The following TTC31 variants were observed in gnomAD, a reference collection of about 807,000 sequenced individuals.
The protein encoded by TTC31 is tetratricopeptide repeat protein 31.
TTC31 carries 59 observed loss-of-function variants against 60.4 expected under a neutral mutation model. The observed-to-expected ratio is 0.98, with a 90% CI of 0.79 to 1.21. The LOEUF (loss-of-function observed/expected upper bound fraction) is 1.21, where lower values mean the gene tolerates loss of function less well. TTC31 is among the 50% of genes most tolerant of loss of function. The probability of loss-of-function intolerance (pLI) is 0.00; values close to 1 mark genes in which losing one functional copy is unlikely to be tolerated. For synonymous variants in TTC31, 225 were observed against 249.6 expected (o/e 0.90, Z 0.93); for missense variants, 672 against 646.9 (o/e 1.04, Z -0.42).
At chr2:74,488,033 G>T (rs1303471990) in intron 2 of TTC31, among the ~76,000 whole-genome samples, 1 of 152,108 alleles carries the variant, frequency 6.6e-6, no homozygotes, top group Non-Finnish European at 1.5e-5. Flanking sequence ...TCAGTGCAGT[G>T]GCATGATCAT....
At position 74,493,236 on chromosome 2, in the gene TTC31, A is replaced by C; in HGVS notation, c.*18A>C. On this transcript the variant is annotated 3_prime_UTR_variant, in exon 13 of 13. Coordinates refer to ENST00000233623, the MANE Select transcript of TTC31 (RefSeq NM_022492.6). ...CCAGATGAGGGGGCACCGGTCCCTCATAGGGCAGGGCCATGTATATATCCC... is the reference window on the plus strand; with the variant it reads ...CCAGATGAGGGGGCACCGGTCCCTCCTAGGGCAGGGCCATGTATATATCCC... The C allele has an allele frequency of 6.2e-7, 1 of 1,613,256 alleles. No homozygotes were observed. The highest frequency in any genetic ancestry group is 8.5e-7 in the Non-Finnish European group (1 of 1,179,536).
chr2:74,490,269 T>C lies in TTC31; in HGVS notation c.258T>C (p.Asp86=), dbSNP rs778386633. Residue 86 remains aspartate, a synonymous_variant, in exon 4 of 13, where the codon GAT becomes GAC. Coordinates refer to ENST00000233623, the MANE Select transcript of TTC31 (RefSeq NM_022492.6). ...HHDYLLGHLD[D]EGKSTGQSDR... The stretch of plus-strand genomic sequence containing the variant: ...ATTACCTCCTGGGCCACTTGGATGA[T>C]GAAGGGAAATCAACTGGACAGAGTG... 2.5e-6 allele frequency: 4 copies of C among 1,613,996 alleles called. No individual in the cohort carries two copies. Among genetic ancestry groups the C allele is most frequent in the South Asian group, 1.1e-5 (1 of 91,080 alleles).
Position 74,490,257 on chromosome 2 carries a change from C to T in TTC31, c.246C>T (p.Gly82=). The part of the protein sequence containing the change: ...LQLWHHDYLL[G]HLDDEGKSTG... ...CCCTCCTGACAGATTACCTCCTGGG[C>T]CACTTGGATGATGAAGGGAAATCAA... Residue 82 remains glycine, a synonymous_variant, in exon 4 of 13, where the codon GGC becomes GGT. Coordinates refer to ENST00000233623, the MANE Select transcript of TTC31 (RefSeq NM_022492.6). 1 of 1,613,940 alleles carries T rather than the reference C, an allele frequency of 6.2e-7. No homozygotes were observed. The highest frequency in any genetic ancestry group is 8.5e-7 in the Non-Finnish European group (1 of 1,179,914).
chr2:74,490,031 G>A lies in TTC31; in HGVS notation c.136G>A (p.Val46Met), dbSNP rs1425484173. 1 of 1,534,448 alleles carries A rather than the reference G, an allele frequency of 6.5e-7. No homozygotes were observed. The highest frequency in any genetic ancestry group is 1.7e-4 in the Middle Eastern group (1 of 5,738). The change falls in exon 3 of 13, where the codon GTG becomes ATG. Residue 46 changes from valine to methionine, a missense_variant. Transcript: ENST00000233623. ...CCCTCCCCTCCCCTCCCAGGACATA[G>A]TGGATTTTCTTCGACGGCTTGTGGA... Reference protein sequence around the residue: ...GPEDYGEEDIVDFLRRLVESD... With the variant: ...GPEDYGEEDIMDFLRRLVESD...
chr2:74,493,133 G>A lies in TTC31; in HGVS notation c.1475G>A (p.Arg492Lys), dbSNP rs1674136428. The A allele has an allele frequency of 1.2e-6, 2 of 1,613,992 alleles. No individual in the cohort carries two copies. Among genetic ancestry groups the A allele is most frequent in the South Asian group, 2.2e-5 (2 of 91,074 alleles). The stretch of plus-strand genomic sequence containing the variant: ...CCCCTCTCCCAGACTCAGAGTAGAA[G>A]GCCCCATCCTCTCAAGCCCCAGGAC... The part of the protein sequence containing the change: ...NQPLSQTQSR[R>K]PHPLKPQDPS... The change falls in exon 13 of 13, where the codon AGG becomes AAG. Residue 492 changes from arginine (R) to lysine (K), a missense_variant. Arg to Lys is a conservative substitution (Grantham distance 26, BLOSUM62 2). Coordinates refer to ENST00000233623, the MANE Select transcript of TTC31 (RefSeq NM_022492.6).
At position 74,491,189 on chromosome 2, in the gene TTC31, G is replaced by A. The variant is rs777102956; in HGVS notation, c.603+5G>A. ...CAGTACTGTGGGGAGCCCAAGGTGA[G>A]TATCTAGGGCAGGTACTAAGAGCAC... is the stretch of plus-strand genomic sequence containing the variant. On this transcript the variant is annotated splice_donor_5th_base_variant and intron_variant, in intron 6 of 12. Coordinates refer to ENST00000233623, the MANE Select transcript of TTC31 (RefSeq NM_022492.6). 6.2e-6 allele frequency: 10 copies of A among 1,614,104 alleles called. No individual in the cohort carries two copies. The East Asian group carries it at 1.8e-4, about 29-fold the overall frequency.
In TTC31 at chr2:74,492,374, G is replaced by A. The variant is rs1436505110; in HGVS notation, c.1090G>A (p.Val364Met). ...AGCGTGGGCCCTGGCTGATGCCCAG[G>A]TGGCCCTTACCCTACGGCCTGGCTG... is the stretch of plus-strand genomic sequence containing the variant. ...QPAWALADAQ[V>M]ALTLRPGWPR... The change falls in exon 11 of 13, where the codon GTG becomes ATG. Residue 364 changes from valine (V) to methionine (M), a missense_variant. Coordinates refer to ENST00000233623, the MANE Select transcript of TTC31 (RefSeq NM_022492.6). 4.5e-6 allele frequency: 7 copies of A among 1,547,110 alleles called. No homozygotes were observed. Among genetic ancestry groups the A allele is most frequent in the Non-Finnish European group, 6.1e-6 (7 of 1,145,970 alleles).
intron 2 of TTC31, among the ~76,000 whole-genome samples, chr2:74,484,424 G>T (rs144166916): frequency 6.6e-6 from 1 of 151,836 alleles, no homozygotes; most frequent in Non-Finnish European, 1.5e-5. Flanking sequence ...TAGCACAGGG[G>T]TTTGGATGTT....
intron 2 of TTC31, among the ~76,000 whole-genome samples, chr2:74,484,612 C>T (rs1672868883): frequency 6.6e-6 from 1 of 152,064 alleles, no homozygotes; most frequent in African/African-American, 2.4e-5. Context: ...GCACATGCCA[C>T]CAGTCCCAGC....
intron 2 of TTC31, among the ~76,000 whole-genome samples, chr2:74,488,433 T>C (rs1291033690): frequency 2.0e-5 from 3 of 152,218 alleles, no homozygotes; most frequent in African/African-American, 2.4e-5. Context: ...AGTCCTGCTC[T>C]GTTTAGGCCT....
intron 2 of TTC31, 77 bp from the exon 3 acceptor site, chr2:74,489,946 GAT>G: frequency 9.6e-7 from 1 of 1,038,602 alleles, no homozygotes. Flanking sequence ...ATGGTGGAGA[GAT>G]CAAGCCAGCG....
rs1429030180 is a variant in TTC31, at chr2:74,492,246, C to T, written c.1019+17C>T. ...GGACCACCGGTAGGTGGGGGCTTGG[C>T]CAGGGCAGGGCAGAGTGTTGAGGAC... On this transcript the variant is annotated intron_variant, in intron 10 of 12. Coordinates refer to ENST00000233623, the MANE Select transcript of TTC31 (RefSeq NM_022492.6). The T allele has an allele frequency of 1.9e-6, 3 of 1,614,082 alleles. No individual in the cohort carries two copies. Among genetic ancestry groups the T allele is most frequent in the Admixed American group, 1.7e-5 (1 of 59,998 alleles).
chr2:74,490,901 A>G (rs1673787471), intron 5 of TTC31, 162 bp downstream of exon 5: 2 of 899,482 alleles, frequency 2.2e-6, no homozygotes, highest in South Asian at 1.7e-5. Context: ...CTCACAGGCC[A>G]TCTGGTGCAG....
At chr2:74,483,158 T>TG in intron 1 of TTC31, 23 bp downstream of exon 1, 1 of 1,614,048 alleles carries the variant, frequency 6.2e-7, no homozygotes, top group Non-Finnish European at 8.5e-7. Context: ...ACAAGACCAG[T>TG]GGGGGTCTAG....
chr2:74,487,703 CAG>C (rs1202612203), intron 2 of TTC31, among the ~76,000 whole-genome samples: 1 of 151,832 alleles, frequency 6.6e-6, no homozygotes, highest in East Asian at 1.9e-4. Flanking sequence ...TTTTATGAGA[CAG>C]AGTCTCACTC....
intron 8 of TTC31, 36 bp from the exon 9 acceptor site, chr2:74,491,968 C>G: frequency 6.2e-7 from 1 of 1,614,006 alleles, no homozygotes; most frequent in East Asian, 2.2e-5. Flanking sequence ...GAGGCTGAGA[C>G]CTCAAGACCT....
chr2:74,485,645 T>C (rs1359034409), intron 2 of TTC31, among the ~76,000 whole-genome samples: 1 of 151,332 alleles, frequency 6.6e-6, no homozygotes, highest in Non-Finnish European at 1.5e-5. Flanking sequence ...TAATTTTTTG[T>C]ATTTTTAGTA....
Position 74,492,666 on chromosome 2 carries a change from T to C in TTC31, c.1182T>C (p.Ala394=), listed in dbSNP as rs1474827660. The C allele has an allele frequency of 1.2e-6, 2 of 1,614,082 alleles. No homozygotes were observed. The highest frequency in any genetic ancestry group is 2.7e-5 in the African/African-American group (2 of 74,944). Residue 394 remains alanine (A), a synonymous_variant, in exon 12 of 13, where the codon GCT becomes GCC. Transcript: ENST00000233623. ...CAAAGCGCTTCAGAGAGGCAGCTGC[T>C]GTGTTTCAGGAAACTCTGAGAGGTG... ...MGLQRFREAA[A]VFQETLRGGS...
In TTC31 at chr2:74,491,593, G is replaced by A; in HGVS notation, c.797G>A (p.Gly266Asp). Reference sequence around the variant, plus strand: ...CTGAACCAGGAGCCCCAAGGCAGGGGTCTGGCCCTCCAGAAGATGGGTCAA... The same window carrying A: ...CTGAACCAGGAGCCCCAAGGCAGGGATCTGGCCCTCCAGAAGATGGGTCAA... The part of the protein sequence containing the change: ...KGLNQEPQGR[G>D]LALQKMGQEE... The change falls in exon 8 of 13, where the codon GGT becomes GAT. Residue 266 changes from glycine (G) to aspartate (D), a missense_variant. By Grantham distance (94) the Gly-to-Asp change is moderately conservative. Coordinates refer to ENST00000233623, the MANE Select transcript of TTC31 (RefSeq NM_022492.6). The A allele has an allele frequency of 6.2e-7, 1 of 1,614,256 alleles. No homozygotes were observed.
Sources: allele counts gnomAD v4.1 joint callset (sites outside exome capture counted in the v4.1 genomes callset), GRCh38; gene constraint gnomAD v4.1.1; transcripts MANE v1.5; gene names NCBI Gene and HGNC (gene_info 2026-07-23, HGNC 2026-07-21).